FMN1: variants seen among roughly 807,000 people sequenced by gnomAD.
FMN1 encodes formin-1.
A neutral mutation model predicts 132.4 loss-of-function variants in FMN1; 110 were observed. That is an observed-to-expected ratio of 0.83 (90% CI 0.71 to 0.97). The LOEUF is 0.97. Ranked by LOEUF, FMN1 falls within the 50% of genes least tolerant of loss-of-function variation. The pLI is 0.00. For missense variants in FMN1, 1,792 were observed against 1,705.3 expected (o/e 1.05, Z -0.90); for synonymous variants, 722 against 651.7 (o/e 1.11, Z -1.64).
chr15:32,952,757 T>A (rs909432261), intron 9 of FMN1, among the ~76,000 whole-genome samples: 22 of 152,142 alleles, frequency 1.4e-4, no homozygotes, highest in Non-Finnish European at 3.1e-4. Flanking sequence ...ATGCGACTAA[T>A]AAGGCACCTA....
chr15:33,140,496 G>A (rs1298751041), intron 4 of FMN1, among the ~76,000 whole-genome samples: 1 of 152,188 alleles, frequency 6.6e-6, no homozygotes, highest in Non-Finnish European at 1.5e-5. Flanking sequence ...GTTGATTCAC[G>A]ACTCAGGTAT....
intron 9 of FMN1, among the ~76,000 whole-genome samples, chr15:32,950,865 TGTTA>T (rs887432785): frequency 5.3e-5 from 8 of 152,358 alleles, no homozygotes; most frequent in African/African-American, 1.4e-4. Context: ...TTTTCAATAC[TGTTA>T]GTTATCTTTT....
Position 32,768,823 on chromosome 15 carries a change from GA to G in FMN1, c.*5486del, listed in dbSNP as rs2056133992. ...ATTACATAAGCGTAGAGGGAATGTAGAAAAATAAATTGATGGCTATATCTAA... is the reference window on the plus strand; with the variant it reads ...ATTACATAAGCGTAGAGGGAATGTAGAAAATAAATTGATGGCTATATCTAA... On this transcript the variant is annotated 3_prime_UTR_variant, in exon 21 of 21. Transcript: ENST00000616417. 6.6e-6 allele frequency: 1 copy of G among 152,154 alleles called. No individual in the cohort carries two copies. Among genetic ancestry groups the G allele is most frequent in the Admixed American group, 6.5e-5 (1 of 15,276 alleles). The allele number at this position is 152,154 out of a possible 1,614,324, so 9.4% of individuals were successfully genotyped here.
chr15:32,927,012 G>C lies in FMN1; in HGVS notation c.3139-751C>G, dbSNP rs1346642555. Among the ~76,000 whole-genome samples the C allele has an allele frequency of 9.2e-5, 14 of 152,202 alleles. No individual in the cohort carries two copies. The South Asian group carries it at 2.9e-3, about 32-fold the overall frequency. On this transcript the variant is annotated intron_variant, in intron 9 of 20. Transcript: ENST00000616417. ...AAAACTTCATTGCCCAGGCTGATCT[G>C]ATCCCAAACCCTAAATTCAAGTGAT...
chr15:32,976,881 A>T (rs1478559044), intron 7 of FMN1, among the ~76,000 whole-genome samples: 1 of 152,176 alleles, frequency 6.6e-6, no homozygotes, highest in African/African-American at 2.4e-5. Context: ...ATCCAAACCA[A>T]CATGGCGTGA....
intron 15 of FMN1, among the ~76,000 whole-genome samples, chr15:32,895,061 T>C (rs1463709033): frequency 2.0e-5 from 3 of 152,212 alleles, no homozygotes; most frequent in African/African-American, 7.2e-5. Context: ...CCAAAATTTT[T>C]CCAATATTTT....
At chr15:32,918,700 T>C (rs2060744794) in intron 10 of FMN1, among the ~76,000 whole-genome samples, 1 of 152,182 alleles carries the variant, frequency 6.6e-6, no homozygotes, top group Non-Finnish European at 1.5e-5. Context: ...CAGAGGGCAG[T>C]GGAATGAGAA....
At chr15:32,817,358 T>C (rs73386839) in intron 17 of FMN1, among the ~76,000 whole-genome samples, 2,571 of 152,332 alleles carry the variant, frequency 0.017, 82 homozygotes, top group African/African-American at 0.058. Context: ...CTAATTTCCC[T>C]AATATTGGCT....
intron 17 of FMN1, among the ~76,000 whole-genome samples, chr15:32,831,765 T>C (rs920291837): frequency 6.6e-6 from 1 of 151,360 alleles, no homozygotes; most frequent in African/African-American, 2.4e-5. Flanking sequence ...TTTTTCTAAC[T>C]TCTGATTCTT....
intron 4 of FMN1, among the ~76,000 whole-genome samples, chr15:33,106,496 T>C (rs16964989): frequency 0.11 from 17,045 of 152,034 alleles, 1,840 homozygotes; most frequent in East Asian, 0.61. Flanking sequence ...ATTTTCATCA[T>C]CTCATGGAAC....
intron 6 of FMN1, among the ~76,000 whole-genome samples, chr15:33,020,618 A>G (rs2035365913): frequency 6.9e-6 from 1 of 145,524 alleles, no homozygotes; most frequent in Non-Finnish European, 1.5e-5. Context: ...AGCCTGGGAG[A>G]CAAGAGCGAA....
intron 9 of FMN1, among the ~76,000 whole-genome samples, chr15:32,938,582 G>C (rs2061332466): frequency 6.6e-6 from 1 of 152,102 alleles, no homozygotes; most frequent in Admixed American, 6.5e-5. Flanking sequence ...CGAACAAGCA[G>C]GCAGAGAGAT....
At chr15:33,187,845 A>C (rs1231191055) in intron 2 of FMN1, among the ~76,000 whole-genome samples, 1 of 152,196 alleles carries the variant, frequency 6.6e-6, no homozygotes, top group Non-Finnish European at 1.5e-5. Context: ...GTTTCTAAAA[A>C]ATAAAGAGAT....
chr15:32,823,386 G>A (rs1258773), intron 17 of FMN1, among the ~76,000 whole-genome samples: 81,683 of 151,520 alleles, frequency 0.54, 23,212 homozygotes, highest in East Asian at 0.89. Context: ...GGAAGGTCTC[G>A]ATCTCCTGAC....
At chr15:33,007,933 A>C in intron 7 of FMN1, 81 bp downstream of exon 7, 1 of 1,215,550 alleles carries the variant, frequency 8.2e-7, no homozygotes, top group Admixed American at 2.1e-5. Context: ...ACTTCAACTT[A>C]AGAGGAATAT....
intron 2 of FMN1, among the ~76,000 whole-genome samples, chr15:33,184,112 A>G (rs1414317369): frequency 2.0e-5 from 3 of 152,220 alleles, no homozygotes; most frequent in Non-Finnish European, 4.4e-5. Context: ...TTTTCGTTAT[A>G]AACAGCATCT....
In FMN1 at chr15:32,977,094, C is replaced by G. The variant is rs543289434; in HGVS notation, c.2224-7617G>C. ...CTAAATTGATATCCAGTAATACTAACTCATAATAATTAATTAGTAAAACTA... is the reference window on the plus strand; with the variant it reads ...CTAAATTGATATCCAGTAATACTAAGTCATAATAATTAATTAGTAAAACTA... On this transcript the variant is annotated intron_variant, in intron 7 of 20. Coordinates refer to ENST00000616417, the MANE Select transcript of FMN1 (RefSeq NM_001277313.2). Among the ~76,000 whole-genome samples, 3 of 152,286 alleles carry G rather than the reference C, an allele frequency of 2.0e-5. No homozygotes were observed. In the South Asian group the frequency reaches 6.2e-4, roughly 32 times the overall value.
chr15:33,066,867 TG>T, intron 5 of FMN1: 1 of 1,613,788 alleles, frequency 6.2e-7, no homozygotes, highest in Middle Eastern at 1.7e-4. Context: ...TCCAGGAGAG[TG>T]GGAGTGGCCT....
At chr15:33,102,137 T>C (rs1398227082) in intron 4 of FMN1, among the ~76,000 whole-genome samples, 1 of 152,182 alleles carries the variant, frequency 6.6e-6, no homozygotes, top group Non-Finnish European at 1.5e-5. Flanking sequence ...CGTTATGTGC[T>C]AATTTATTTT....
Sources: gnomAD v4.1 joint callset for allele counts (sites outside exome capture counted in the v4.1 genomes callset) on GRCh38, gnomAD v4.1.1 for gene constraint, MANE v1.5 for transcripts, NCBI Gene and HGNC (gene_info 2026-07-23, HGNC 2026-07-21) for gene names.